Variants in COL5A1 observed in about 807,000 individuals in gnomAD.
COL5A1 encodes collagen alpha-1(V) chain.
COL5A1 carries 16 observed loss-of-function variants against 263.7 expected under a neutral mutation model. The ratio of observed to expected loss-of-function variants is 0.06; its 90% CI spans 0.04 to 0.09. The LOEUF (loss-of-function observed/expected upper bound fraction) is 0.09, where lower values mean the gene tolerates loss of function less well. COL5A1 is among the 10% of genes least tolerant of loss of function. COL5A1 has a pLI of 1.00. For synonymous variants in COL5A1, 1,012 were observed against 1,004.5 expected, an observed-to-expected ratio of 1.01 and a Z score of -0.14; for missense variants, 2,036 against 2,540.5, an observed-to-expected ratio of 0.80 and a Z score of 4.27.
At chr9:134,651,505 T>TA (rs886869658) in intron 1 of COL5A1, among the ~76,000 whole-genome samples, 3 of 151,274 alleles carry the variant, frequency 2.0e-5, no homozygotes, top group Admixed American at 6.6e-5. Context: ...AGACCCTGTC[T>TA]AAAAAAAAAT....
At chr9:134,760,371 AC>A (rs1159202478) in intron 18 of COL5A1, among the ~76,000 whole-genome samples, 3 of 52,384 alleles carry the variant, frequency 5.7e-5, no homozygotes, top group East Asian at 7.8e-4. Context: ...ATACACACAC[AC>A]CACACATGCA....
chr9:134,744,754 T>C (rs182136058), intron 11 of COL5A1, among the ~76,000 whole-genome samples: 3,333 of 137,236 alleles, frequency 0.024, 120 homozygotes, highest in African/African-American at 0.079. Flanking sequence ...TGCACACACA[T>C]TCATGCACAT....
chr9:134,699,375 C>T (rs563267424), intron 2 of COL5A1, among the ~76,000 whole-genome samples: 435 of 152,260 alleles, frequency 2.9e-3, no homozygotes, highest in African/African-American at 0.01. Flanking sequence ...GCGTATCAAC[C>T]AGGAAATGTC....
chr9:134,746,608 G>C (rs1361211885), intron 11 of COL5A1, among the ~76,000 whole-genome samples: 1 of 152,260 alleles, frequency 6.6e-6, no homozygotes, highest in Non-Finnish European at 1.5e-5. Flanking sequence ...AACCCTGTTA[G>C]ATACCAGTGG....
chr9:134,780,040 A>G, intron 27 of COL5A1, 62 bp from the exon 28 acceptor site: 1 of 1,593,128 alleles, frequency 6.3e-7, no homozygotes, highest in Admixed American at 1.7e-5. Flanking sequence ...CACGCCTGCG[A>G]CAGCTCTAGA....
Position 134,728,667 on chromosome 9 carries a change from C to T in COL5A1, c.787-3C>T, listed in dbSNP as rs1834746880. 1 of 1,614,054 alleles carries T rather than the reference C, an allele frequency of 6.2e-7. No individual in the cohort carries two copies. The highest frequency in any genetic ancestry group is 8.5e-7 in the Non-Finnish European group (1 of 1,180,032). ...TCCTCACGGGGCCGCAATTCGCTTT[C>T]AGTACACGGAAGGAGACGGCGAGGG... On this transcript the variant is annotated splice_region_variant and splice_polypyrimidine_tract_variant and intron_variant, in intron 5 of 65. Transcript: ENST00000371817.
chr9:134,659,922 T>A (rs1293577887), intron 1 of COL5A1, among the ~76,000 whole-genome samples: 1 of 152,170 alleles, frequency 6.6e-6, no homozygotes, highest in Non-Finnish European at 1.5e-5. Context: ...TATCGCCAGG[T>A]AGGTGCTGCC....
rs554806947 is a variant in COL5A1, at chr9:134,750,231, C to T, written c.1495-311C>T. 1.3e-3 allele frequency among the ~76,000 whole-genome samples: 194 copies of T among 152,308 alleles called. 1 individual carries two copies. Among genetic ancestry groups the T allele is most frequent in the Admixed American group, 4.1e-3 (63 of 15,308 alleles). On this transcript the variant is annotated intron_variant, in intron 11 of 65. Coordinates refer to ENST00000371817, the MANE Select transcript of COL5A1 (RefSeq NM_000093.5). ...GAGCCTGACACTGCCTCCTCACCTT[C>T]GGGCTCCTTGTCTCTGCCTTGAGGC...
intron 1 of COL5A1, among the ~76,000 whole-genome samples, chr9:134,669,246 C>CCTTCCCTTCT (rs1832459645): frequency 3.0e-5 from 2 of 66,280 alleles, no homozygotes; most frequent in East Asian, 4.5e-4. Flanking sequence ...CCTTCCCTTC[C>CCTTCCCTTCT]CTTCCCTTCC....
chr9:134,815,611 C>G lies in COL5A1; in HGVS notation c.4050C>G (p.Pro1350=). The change falls in exon 51 of 66, where the codon CCC becomes CCG. Residue 1350 remains proline (P), a synonymous_variant. Transcript: ENST00000371817. Reference sequence around the variant, plus strand: ...GTTTTCCTGGAGATCCTGGCCCCCCCGGAGAGCCTGGCCCCGCGGTAGGTG... The same window carrying G: ...GTTTTCCTGGAGATCCTGGCCCCCCGGGAGAGCCTGGCCCCGCGGTAGGTG... ...PVGFPGDPGP[P]GEPGPAGQDG... is the part of the protein sequence containing the mutation. 2 of 1,613,808 alleles carry G rather than the reference C, an allele frequency of 1.2e-6. No homozygotes were observed. Among genetic ancestry groups the G allele is most frequent in the African/African-American group, 2.7e-5 (2 of 75,036 alleles).
chr9:134,694,236 G>A (rs1833383213), intron 2 of COL5A1, among the ~76,000 whole-genome samples: 1 of 152,262 alleles, frequency 6.6e-6, no homozygotes, highest in Admixed American at 6.5e-5. Context: ...GGATCACGGG[G>A]GTGGGGGTTT....
chr9:134,806,158 T>C, intron 41 of COL5A1, 31 bp from the exon 42 acceptor site: 1 of 1,493,120 alleles, frequency 6.7e-7, no homozygotes, highest in Non-Finnish European at 9.1e-7. Flanking sequence ...TGAGAGCCTT[T>C]GAAGCAGACT....
chr9:134,761,890 C>A lies in COL5A1; in HGVS notation c.1936-35C>A, dbSNP rs10858278. ...TTGGACAAGCCCTGCATGACCTGCTCAGGAGAGGCTGACGTTGACCCTTTC... is the reference window on the plus strand; with the variant it reads ...TTGGACAAGCCCTGCATGACCTGCTAAGGAGAGGCTGACGTTGACCCTTTC... On this transcript the variant is annotated intron_variant, in intron 18 of 65. Transcript: ENST00000371817. The A allele has an allele frequency of 0.069, 111,385 of 1,609,784 alleles. 8,620 individuals are homozygous for A. The highest frequency in any genetic ancestry group is 0.29 in the African/African-American group (21,538 of 74,902).
At chr9:134,701,821 G>A (rs1221195098) in intron 4 of COL5A1, among the ~76,000 whole-genome samples, 3 of 152,370 alleles carry the variant, frequency 2.0e-5, no homozygotes, top group African/African-American at 2.4e-5. Flanking sequence ...GCTGTGTCCA[G>A]CCAGGGGCCT....
intron 25 of COL5A1, among the ~76,000 whole-genome samples, chr9:134,770,450 T>G (rs1355630576): frequency 2.0e-5 from 3 of 152,206 alleles, no homozygotes; most frequent in Non-Finnish European, 2.9e-5. Context: ...GAATTATGGC[T>G]CAGTGGAATA....
chr9:134,819,976 C>A, intron 57 of COL5A1, 140 bp from the exon 58 acceptor site: 2 of 757,188 alleles, frequency 2.6e-6, no homozygotes, highest in South Asian at 1.4e-5. Flanking sequence ...CTCTGTTGAG[C>A]CTGTTCCCCT....
intron 1 of COL5A1, among the ~76,000 whole-genome samples, chr9:134,663,733 G>A (rs902954199): frequency 1.3e-4 from 20 of 152,238 alleles, no homozygotes; most frequent in African/African-American, 4.8e-4. Context: ...CTAGGCCTCT[G>A]CCCTGAGGAC....
chr9:134,673,856 A>T (rs1320745598), intron 1 of COL5A1, among the ~76,000 whole-genome samples: 1 of 152,258 alleles, frequency 6.6e-6, no homozygotes, highest in Non-Finnish European at 1.5e-5. Context: ...AAACATGGTC[A>T]CAACTCCACA....
chr9:134,765,389 G>A lies in COL5A1; in HGVS notation c.2035-292G>A, dbSNP rs1236479581. On this transcript the variant is annotated intron_variant, in intron 20 of 65. Transcript: ENST00000371817. The surrounding 1 kb of genome is among the most constrained non-coding windows in gnomAD (Gnocchi z 5.1). Reference sequence around the variant, plus strand: ...TGCTCACCTGCCCCAGCAAGTGTCAGAGGAGCCGGTCAGCTTGAAAGCCCC... The same window carrying A: ...TGCTCACCTGCCCCAGCAAGTGTCAAAGGAGCCGGTCAGCTTGAAAGCCCC... Among the ~76,000 whole-genome samples, 1 of 152,170 alleles carries A rather than the reference G, an allele frequency of 6.6e-6. No homozygotes were observed. The highest frequency in any genetic ancestry group is 1.5e-5 in the Non-Finnish European group (1 of 68,022).
Sources: allele counts gnomAD v4.1 joint callset (sites outside exome capture counted in the v4.1 genomes callset), GRCh38; gene constraint gnomAD v4.1.1; non-coding constraint Gnocchi (gnomAD v3.1); transcripts MANE v1.5; gene names NCBI Gene and HGNC (gene_info 2026-07-23, HGNC 2026-07-21).